NINJ2: variants seen among roughly 807,000 people sequenced by gnomAD.
NINJ2 encodes ninjurin-2.
A neutral mutation model predicts 11.7 loss-of-function variants in NINJ2; 12 were observed. That is an observed-to-expected ratio of 1.02 (90% CI 0.66 to 1.66). The LOEUF is 1.66. Ranked by LOEUF, NINJ2 falls within the 40% of genes most tolerant of loss-of-function variation. NINJ2 has a pLI of 0.00. For missense variants in NINJ2, 187 were observed against 181.8 expected (o/e 1.03, Z -0.16); for synonymous variants, 93 against 76.8 (o/e 1.21, Z -1.10).
intron 1 of NINJ2, among the ~76,000 whole-genome samples, chr12:593,680 C>T (rs997177493): frequency 2.0e-5 from 3 of 151,818 alleles, no homozygotes; most frequent in Non-Finnish European, 4.4e-5. Flanking sequence ...GTGCCACTGC[C>T]TCCAGCCTGG....
Position 565,294 on chromosome 12 carries a change from C to T in NINJ2, c.370G>A (p.Ala124Thr), listed in dbSNP as rs1947276726. 6.2e-7 allele frequency: 1 copy of T among 1,614,214 alleles called. No homozygotes were observed. The highest frequency in any genetic ancestry group is 1.3e-5 in the African/African-American group (1 of 75,058). ...AACCCTGTTTTATGTGCCCCGAAGGCTGTAATGAAAACATTGATGACCACA... is the reference window on the plus strand; with the variant it reads ...AACCCTGTTTTATGTGCCCCGAAGGTTGTAATGAAAACATTGATGACCACA... Reference protein sequence around the residue: ...FTVVINVFITAFGAHKTGFLA... With the variant: ...FTVVINVFITTFGAHKTGFLA... The change falls in exon 3 of 4, where the codon GCC becomes ACC. Residue 124 changes from alanine to threonine, a missense_variant. Ala to Thr is a moderately conservative substitution (Grantham distance 58, BLOSUM62 0). Coordinates refer to ENST00000305108, the MANE Select transcript of NINJ2 (RefSeq NM_016533.6).
chr12:604,816 C>T (rs1189994201), intron 1 of NINJ2, among the ~76,000 whole-genome samples: 1 of 152,092 alleles, frequency 6.6e-6, no homozygotes, highest in Non-Finnish European at 1.5e-5. Flanking sequence ...CAGTTCAACC[C>T]TCCGACTCCT....
intron 1 of NINJ2, among the ~76,000 whole-genome samples, chr12:631,646 C>T (rs1351110973): frequency 6.6e-6 from 1 of 152,208 alleles, no homozygotes; most frequent in African/African-American, 2.4e-5. Context: ...CAGGCGTGAG[C>T]CACCGCGCCT....
chr12:620,536 T>G (rs1948141051), intron 1 of NINJ2, among the ~76,000 whole-genome samples: 1 of 152,276 alleles, frequency 6.6e-6, no homozygotes, highest in Non-Finnish European at 1.5e-5. Flanking sequence ...CATGGTAGCT[T>G]TTTCTCAGCA....
chr12:576,012 T>C lies in NINJ2; in HGVS notation c.34-9834A>G, dbSNP rs139711539. Among the ~76,000 whole-genome samples, 1,250 of 152,220 alleles carry C rather than the reference T, an allele frequency of 8.2e-3. 15 individuals are homozygous for C. The highest frequency in any genetic ancestry group is 0.029 in the African/African-American group (1,196 of 41,542). On this transcript the variant is annotated intron_variant, in intron 1 of 3. Transcript: ENST00000305108. The stretch of plus-strand genomic sequence containing the variant: ...GGCCTTCTGTCTGGGGCAGGCCGCA[T>C]GCAGGCTCCTGACTGCAGCCAAGAG...
intron 1 of NINJ2, among the ~76,000 whole-genome samples, chr12:621,686 G>A (rs774630415): frequency 6.6e-5 from 10 of 151,428 alleles, no homozygotes; most frequent in South Asian, 2.1e-4. Context: ...GCATAGTGGC[G>A]TGTGCCTGTA....
chr12:602,436 C>T (rs1947885031), intron 1 of NINJ2, among the ~76,000 whole-genome samples: 1 of 152,194 alleles, frequency 6.6e-6, no homozygotes, highest in South Asian at 2.1e-4. Flanking sequence ...TTTCAAAGTT[C>T]ATTCATGCTG....
chr12:595,026 C>A (rs1947764594), intron 1 of NINJ2, among the ~76,000 whole-genome samples: 2 of 152,062 alleles, frequency 1.3e-5, no homozygotes, highest in Non-Finnish European at 1.5e-5. Context: ...CAGAAATAGA[C>A]CCACATAAAT....
intron 1 of NINJ2, among the ~76,000 whole-genome samples, chr12:649,844 G>A (rs1213305554): frequency 6.6e-6 from 1 of 151,992 alleles, no homozygotes; most frequent in Non-Finnish European, 1.5e-5. Context: ...TTATGAGCTT[G>A]TGTATCTTAC....
At chr12:625,508 C>T (rs562377160) in intron 1 of NINJ2, among the ~76,000 whole-genome samples, 10 of 151,926 alleles carry the variant, frequency 6.6e-5, no homozygotes, top group African/African-American at 2.2e-4. Context: ...TCTCTGGAGG[C>T]TACGTTGAAG....
At position 573,023 on chromosome 12, in the gene NINJ2, A is replaced by G. The variant is rs570832856; in HGVS notation, c.34-6845T>C. 2.4e-3 allele frequency among the ~76,000 whole-genome samples: 255 copies of G among 106,318 alleles called. 1 individual carries two copies. The highest frequency in any genetic ancestry group is 7.5e-3 in the Admixed American group (80 of 10,634). 69.7% of individuals were successfully genotyped at this position (106,318 alleles called of 152,430 possible). A position where few individuals can be genotyped will look rare whatever the true frequency, so the allele number is the denominator to read the frequency against. ...AGGTGTGTGCCACCACACCCAGCTA[A>G]TTTTTTTTTTTTTTTTTTTTGAGAC... On this transcript the variant is annotated intron_variant, in intron 1 of 3. Coordinates refer to ENST00000305108, the MANE Select transcript of NINJ2 (RefSeq NM_016533.6).
intron 1 of NINJ2, among the ~76,000 whole-genome samples, chr12:593,592 G>A (rs1302829804): frequency 6.6e-6 from 1 of 152,138 alleles, no homozygotes; most frequent in Non-Finnish European, 1.5e-5. Context: ...GTGCAGGCCT[G>A]TAGTTCCAGC....
chr12:629,057 T>C (rs905886368), intron 1 of NINJ2, among the ~76,000 whole-genome samples: 5 of 152,146 alleles, frequency 3.3e-5, no homozygotes, highest in Non-Finnish European at 7.4e-5. Context: ...CATTCTCGTG[T>C]TTCTTTACTT....
intron 1 of NINJ2, among the ~76,000 whole-genome samples, chr12:648,996 G>GTCTGTCTGTCTATCTATCTA (rs10633920): frequency 3.0e-4 from 44 of 149,006 alleles, no homozygotes; most frequent in African/African-American, 6.0e-4. Context: ...CTATCTATCT[G>GTCTGTCTGTCTATCTATCTA]TCTATCTATC....
intron 1 of NINJ2, among the ~76,000 whole-genome samples, chr12:579,036 A>G (rs1947510032): frequency 6.6e-6 from 1 of 152,266 alleles, no homozygotes. Context: ...AAGGACTTTC[A>G]GAACAATTAA....
At chr12:587,016 G>C (rs916765085) in intron 1 of NINJ2, among the ~76,000 whole-genome samples, 1 of 152,214 alleles carries the variant, frequency 6.6e-6, no homozygotes, top group African/African-American at 2.4e-5. Context: ...AGTGCCAAGA[G>C]GGGTTCATAC....
chr12:568,890 G>A (rs966866351), intron 1 of NINJ2, among the ~76,000 whole-genome samples: 7 of 79,388 alleles, frequency 8.8e-5, no homozygotes, highest in Admixed American at 1.3e-4. Context: ...CCCCCCCCCC[G>A]CCCCCCGGGT....
chr12:660,634 C>T (rs377734481), intron 1 of NINJ2, among the ~76,000 whole-genome samples: 153 of 152,070 alleles, frequency 1.0e-3, no homozygotes, highest in African/African-American at 3.5e-3. Flanking sequence ...CCACCTAGCC[C>T]GGCCCTGTTA....
intron 1 of NINJ2, among the ~76,000 whole-genome samples, chr12:655,599 TTAAA>T (rs139545823): frequency 0.013 from 2,054 of 152,220 alleles, 45 homozygotes; most frequent in African/African-American, 0.047. Flanking sequence ...ACAAAACTGA[TTAAA>T]TAAATCAAGG....
Sources: allele counts gnomAD v4.1 joint callset (sites outside exome capture counted in the v4.1 genomes callset), GRCh38; gene constraint gnomAD v4.1.1; transcripts MANE v1.5; gene names NCBI Gene and HGNC (gene_info 2026-07-23, HGNC 2026-07-21).